The following TMEM140 variants were observed in gnomAD, a reference collection of about 807,000 sequenced individuals.
The protein encoded by TMEM140 is transmembrane protein 140.
For missense variants in TMEM140, 236 were observed against 228.5 expected (o/e 1.03, Z -0.21); for synonymous variants, 107 against 106.8 (o/e 1.00, Z -0.01).
rs1829924967 is a variant in TMEM140 at position 135,161,102 on chromosome 7, G to A, written c.-24-3316G>A. On this transcript the variant is annotated intron_variant, in intron 1 of 1. Transcript: ENST00000275767. The surrounding 1 kb of genome is among the most constrained non-coding windows in gnomAD (Gnocchi z 4.1). ...GATGATGGCGAGCCTCATAAGAGCT[G>A]GGACTGAATATAAAAAGGTGAGAGG... Among the ~76,000 whole-genome samples, 1 of 152,166 alleles carries A rather than the reference G, an allele frequency of 6.6e-6. No individual in the cohort carries two copies. The highest frequency in any genetic ancestry group is 2.4e-5 in the African/African-American group (1 of 41,416).
At position 135,165,011 on chromosome 7, in the gene TMEM140, A is replaced by T. The variant is rs368287615; in HGVS notation, c.*12A>T. 1.9e-6 allele frequency: 3 copies of T among 1,561,288 alleles called. No homozygotes were observed. Among genetic ancestry groups the T allele is most frequent in the East Asian group, 2.3e-5 (1 of 44,226 alleles). On this transcript the variant is annotated 3_prime_UTR_variant, in exon 2 of 2. Transcript: ENST00000275767. ...TTGAGAGCTGCTAAAGGCTTACGTGATTGCAAGGGTTCAGTTCCAACCATG... is the reference window on the plus strand; with the variant it reads ...TTGAGAGCTGCTAAAGGCTTACGTGTTTGCAAGGGTTCAGTTCCAACCATG...
At chr7:135,160,744 A>AC (rs910559503) in intron 1 of TMEM140, among the ~76,000 whole-genome samples, 2 of 151,818 alleles carry the variant, frequency 1.3e-5, no homozygotes, top group Non-Finnish European at 2.9e-5. Flanking sequence ...TTAAAAAAAA[A>AC]AAACAAAAAA....
At chr7:135,156,718 T>G (rs139097098) in intron 1 of TMEM140, among the ~76,000 whole-genome samples, 48 of 152,350 alleles carry the variant, frequency 3.2e-4, no homozygotes, top group African/African-American at 1.1e-3. Context: ...TGAAGAATTC[T>G]CTTTGATTGG....
In TMEM140 at chr7:135,157,317, A is replaced by C. The variant is rs1004556837; in HGVS notation, c.-24-7101A>C. ...ATGCCTGCAGTCGTGTGATCTTTCTATGACTTCTTCGGCATAGGGTCAGTG... is the reference window on the plus strand; with the variant it reads ...ATGCCTGCAGTCGTGTGATCTTTCTCTGACTTCTTCGGCATAGGGTCAGTG... On this transcript the variant is annotated intron_variant, in intron 1 of 1. Coordinates refer to ENST00000275767, the MANE Select transcript of TMEM140 (RefSeq NM_018295.5). 5.9e-5 allele frequency among the ~76,000 whole-genome samples: 9 copies of C among 152,200 alleles called. No individual in the cohort carries two copies. In the East Asian group the frequency reaches 1.5e-3, roughly 26 times the overall value.
rs1305624716 is a variant in TMEM140, at chr7:135,161,009, C to A, written c.-24-3409C>A. Among the ~76,000 whole-genome samples, 1 of 152,168 alleles carries A rather than the reference C, an allele frequency of 6.6e-6. No individual in the cohort carries two copies. Among genetic ancestry groups the A allele is most frequent in the African/African-American group, 2.4e-5 (1 of 41,436 alleles). ...CCTGAGCAGCTGAGCAGGTGCTGGA[C>A]TGCACAAGGCAAGAGGGGAAGCTGG... is the stretch of plus-strand genomic sequence containing the variant. On this transcript the variant is annotated intron_variant, in intron 1 of 1. Transcript: ENST00000275767. The surrounding 1 kb of genome is among the most constrained non-coding windows in gnomAD (Gnocchi z 4.1).
intron 1 of TMEM140, among the ~76,000 whole-genome samples, chr7:135,153,526 G>A (rs150427264): frequency 6.3e-4 from 96 of 151,380 alleles, no homozygotes; most frequent in Non-Finnish European, 1.1e-3. Flanking sequence ...TGGAGAAAAG[G>A]GAATGCTTAT....
chr7:135,155,750 C>T (rs573407153), intron 1 of TMEM140, among the ~76,000 whole-genome samples: 1 of 152,302 alleles, frequency 6.6e-6, no homozygotes, highest in East Asian at 1.9e-4. Flanking sequence ...ACTCAAAAGG[C>T]TGAGGCAGGA....
chr7:135,153,505 C>T lies in TMEM140; in HGVS notation c.-25+5235C>T, dbSNP rs374620034. 8.0e-5 allele frequency among the ~76,000 whole-genome samples: 12 copies of T among 149,196 alleles called. No homozygotes were observed. The South Asian group carries it at 8.6e-4, about 11-fold the overall frequency. On this transcript the variant is annotated intron_variant, in intron 1 of 1. Transcript: ENST00000275767. ...TAAAAACTCTAAAAACAGCAGATGTCGTCAAGGATGTGGAGAAAAGGGAAT... is the reference window on the plus strand; with the variant it reads ...TAAAAACTCTAAAAACAGCAGATGTTGTCAAGGATGTGGAGAAAAGGGAAT...
chr7:135,155,982 T>G (rs776109744), intron 1 of TMEM140, among the ~76,000 whole-genome samples: 3 of 152,202 alleles, frequency 2.0e-5, no homozygotes, highest in Admixed American at 6.5e-5. Context: ...TTTCTCCTTT[T>G]ATAAAGCTTA....
intron 1 of TMEM140, among the ~76,000 whole-genome samples, chr7:135,153,340 G>A (rs1443280755): frequency 6.6e-6 from 1 of 150,942 alleles, no homozygotes; most frequent in Non-Finnish European, 1.5e-5. Context: ...TGTAGTCCTA[G>A]CTACTCGGGA....
chr7:135,155,708 G>A (rs866077956), intron 1 of TMEM140, among the ~76,000 whole-genome samples: 12 of 152,196 alleles, frequency 7.9e-5, no homozygotes, highest in South Asian at 2.1e-4. Flanking sequence ...AAAATTAACC[G>A]GGCATGGTGG....
At chr7:135,160,861 G>A (rs767519449) in intron 1 of TMEM140, among the ~76,000 whole-genome samples, 1 of 152,222 alleles carries the variant, frequency 6.6e-6, no homozygotes, top group Non-Finnish European at 1.5e-5. Context: ...CAGAGTGTGG[G>A]CTGAAGGAGC....
At chr7:135,154,905 C>A (rs2117438673) in intron 1 of TMEM140, among the ~76,000 whole-genome samples, 1 of 152,242 alleles carries the variant, frequency 6.6e-6, no homozygotes, top group South Asian at 2.1e-4. Flanking sequence ...AATTTTCTGT[C>A]CCAATGATCT....
intron 1 of TMEM140, among the ~76,000 whole-genome samples, chr7:135,156,226 C>T (rs1363871786): frequency 6.6e-6 from 1 of 152,078 alleles, no homozygotes; most frequent in Non-Finnish European, 1.5e-5. Flanking sequence ...TGGTGAGGTC[C>T]TTTTGCAATG....
intron 1 of TMEM140, among the ~76,000 whole-genome samples, chr7:135,150,328 C>T (rs556028929): frequency 6.6e-6 from 1 of 152,312 alleles, no homozygotes; most frequent in East Asian, 1.9e-4. Flanking sequence ...TTCTCTCTCT[C>T]ACTCACCCTG....
rs1349052522 is a variant in TMEM140 at position 135,164,639 on chromosome 7, G to C, written c.198G>C (p.Gln66His). 1.2e-6 allele frequency: 2 copies of C among 1,613,436 alleles called. No homozygotes were observed. Among genetic ancestry groups the C allele is most frequent in the East Asian group, 2.2e-5 (1 of 44,844 alleles). The change falls in exon 2 of 2, where the codon CAG becomes CAC. Residue 66 changes from glutamine to histidine, a missense_variant. By Grantham distance (24) the Gln-to-His change is conservative. Coordinates refer to ENST00000275767, the MANE Select transcript of TMEM140 (RefSeq NM_018295.5). ...NEDTSTLQCHQFPELEALGVP... is the reference protein window; with the variant it reads ...NEDTSTLQCHHFPELEALGVP... ...ACACCAGCACCCTACAGTGTCACCA[G>C]TTCCCTGAGCTGGAAGCCCTGGGGG...
At position 135,165,147 on chromosome 7, in the gene TMEM140, C is replaced by T. The variant is rs577709401; in HGVS notation, c.*148C>T. On this transcript the variant is annotated 3_prime_UTR_variant, in exon 2 of 2. Transcript: ENST00000275767. ...GGTGGGGCCCCTGTGTCAAAGAGGC[C>T]GAGGGGCAGCAAGGGCAGCCAGGGC... 455 of 920,068 alleles carry T rather than the reference C, an allele frequency of 4.9e-4. 3 individuals are homozygous for T. The highest frequency in any genetic ancestry group is 3.8e-3 in the South Asian group (186 of 49,374). The allele number at this position is 920,068 out of a possible 1,614,324, so 57.0% of individuals were successfully genotyped here. A position where few individuals can be genotyped will look rare whatever the true frequency, so the allele number is the denominator to read the frequency against.
Position 135,161,493 on chromosome 7 carries a change from C to A in TMEM140, c.-24-2925C>A, listed in dbSNP as rs376341985. Among the ~76,000 whole-genome samples, 38 of 152,240 alleles carry A rather than the reference C, an allele frequency of 2.5e-4. No homozygotes were observed. The South Asian group carries it at 7.7e-3, about 31-fold the overall frequency. On this transcript the variant is annotated intron_variant, in intron 1 of 1. Transcript: ENST00000275767. The surrounding 1 kb of genome is among the most constrained non-coding windows in gnomAD (Gnocchi z 4.1). ...GCATGATGGTATAAATCAGGGAAGTCCTGGAAATCTATTCCACACCCTAAA... is the reference window on the plus strand; with the variant it reads ...GCATGATGGTATAAATCAGGGAAGTACTGGAAATCTATTCCACACCCTAAA...
At chr7:135,156,147 G>A (rs1237838493) in intron 1 of TMEM140, among the ~76,000 whole-genome samples, 1 of 151,898 alleles carries the variant, frequency 6.6e-6, no homozygotes, top group East Asian at 1.9e-4. Flanking sequence ...TCCTTTATAG[G>A]TGACTAGTCA....
Sources: gnomAD v4.1 joint callset for allele counts (sites outside exome capture counted in the v4.1 genomes callset) on GRCh38, gnomAD v4.1.1 for gene constraint, Gnocchi (gnomAD v3.1) non-coding constraint, MANE v1.5 for transcripts, NCBI Gene and HGNC (gene_info 2026-07-23, HGNC 2026-07-21) for gene names.